The following KIF1A variants were observed in gnomAD, a reference collection of about 807,000 sequenced individuals.
KIF1A encodes kinesin-like protein KIF1A.
KIF1A carries 46 observed loss-of-function variants against 227.3 expected under a neutral mutation model. The observed-to-expected ratio is 0.20, with a 90% CI of 0.16 to 0.26. The LOEUF (loss-of-function observed/expected upper bound fraction) is 0.26, where lower values mean the gene tolerates loss of function less well. Ranked by LOEUF, KIF1A falls within the 10% of genes least tolerant of loss-of-function variation. The pLI is 1.00. For missense variants in KIF1A, 1,683 were observed against 2,485.9 expected (o/e 0.68, Z 6.87); for synonymous variants, 1,022 against 1,012.8 (o/e 1.01, Z -0.17).
Position 240,765,745 on chromosome 2 carries a change from C to A in KIF1A, c.1733G>T (p.Gly578Val). ...GATGCTGGGCTCTGTGACTTTCTTGCCATTGACGTAGGTGTCTGCCCCCTC... is the reference window on the plus strand; with the variant it reads ...GATGCTGGGCTCTGTGACTTTCTTGACATTGACGTAGGTGTCTGCCCCCTC... ...PCEGADTYVN[G>V]KKVTEPSILR... is the part of the protein sequence containing the mutation. The change falls in exon 20 of 49, where the codon GGC becomes GTC. Residue 578 changes from glycine (G) to valine (V), a missense_variant. Transcript: ENST00000498729. 1 of 1,613,688 alleles carries A rather than the reference C, an allele frequency of 6.2e-7. No individual in the cohort carries two copies. The highest frequency in any genetic ancestry group is 8.5e-7 in the Non-Finnish European group (1 of 1,179,826).
intron 10 of KIF1A, among the ~76,000 whole-genome samples, chr2:240,780,830 C>CCACACACACACACACACACA (rs772178620): frequency 4.0e-4 from 4 of 10,066 alleles, no homozygotes; most frequent in Non-Finnish European, 7.3e-4. Context: ...ACACACAGCT[C>CCACACACACACACACACACA]CACACACACA....
chr2:240,734,591 C>CG, intron 38 of KIF1A: 1 of 510,914 alleles, frequency 2.0e-6, no homozygotes, highest in Admixed American at 2.4e-5. Flanking sequence ...CAGGTGAGCA[C>CG]GTGTGTGAGG....
At chr2:240,723,093 T>A (rs932405947) in intron 42 of KIF1A, among the ~76,000 whole-genome samples, 1 of 152,160 alleles carries the variant, frequency 6.6e-6, no homozygotes, top group Non-Finnish European at 1.5e-5. Flanking sequence ...GTTTCCCTGA[T>A]CAAAGCCGCA....
At chr2:240,811,312 T>C (rs558938400) in intron 1 of KIF1A, among the ~76,000 whole-genome samples, 10 of 151,842 alleles carry the variant, frequency 6.6e-5, no homozygotes, top group Admixed American at 5.9e-4. Flanking sequence ...TTGCAGTGAG[T>C]AGAGATTGCG....
intron 38 of KIF1A, chr2:240,734,637 TG>T (rs1308158482): frequency 2.9e-6 from 3 of 1,042,800 alleles, no homozygotes; most frequent in Non-Finnish European, 4.0e-6. Context: ...CTCAGGGGCA[TG>T]GGGGGCGGTC....
chr2:240,727,120 C>G (rs2046104554), intron 38 of KIF1A, among the ~76,000 whole-genome samples, 180 bp from the exon 39 acceptor site: 2 of 152,162 alleles, frequency 1.3e-5, no homozygotes, highest in Non-Finnish European at 2.9e-5. Context: ...TACTCAGGAC[C>G]CAGAGAGTAG....
In KIF1A at chr2:240,788,792, G is replaced by C. The variant is rs925014372; in HGVS notation, c.183+444C>G. ...AGATATGAGGGGCTTAGATGAGGAG[G>C]CTGCATGCCTTCTTCTAGAAGGGTC... is the stretch of plus-strand genomic sequence containing the variant. On this transcript the variant is annotated intron_variant, in intron 3 of 48. Coordinates refer to ENST00000498729, the MANE Select transcript of KIF1A (RefSeq NM_001244008.2). The surrounding 1 kb of genome is among the most constrained non-coding windows in gnomAD (Gnocchi z 6.6). 6.6e-5 allele frequency among the ~76,000 whole-genome samples: 10 copies of C among 152,208 alleles called. No individual in the cohort carries two copies. Among genetic ancestry groups the C allele is most frequent in the African/African-American group, 2.4e-4 (10 of 41,538 alleles).
At chr2:240,748,160 T>G (rs2048820069) in intron 28 of KIF1A, among the ~76,000 whole-genome samples, 1 of 152,210 alleles carries the variant, frequency 6.6e-6, no homozygotes, top group African/African-American at 2.4e-5. Flanking sequence ...CCAGTCTGGT[T>G]TCCCAGTATA....
intron 25 of KIF1A, among the ~76,000 whole-genome samples, chr2:240,760,447 T>C (rs2050373060): frequency 6.6e-6 from 1 of 152,280 alleles, no homozygotes. Context: ...CCAAATCTAT[T>C]TTTATGTATG....
At chr2:240,762,241 G>A (rs1273539349) in intron 23 of KIF1A, among the ~76,000 whole-genome samples, 4 of 152,252 alleles carry the variant, frequency 2.6e-5, no homozygotes, top group Non-Finnish European at 5.9e-5. Flanking sequence ...ACAGCTGCGG[G>A]AGGTCAGCTG....
Position 240,740,251 on chromosome 2 carries a change from G to T in KIF1A, c.3816+47C>A. ...GCAGGGAGAGGCTCACACCTGGTGG[G>T]GTGGGGGAGGGGACACAGGCAGGGT... On this transcript the variant is annotated intron_variant, in intron 36 of 48. Coordinates refer to ENST00000498729, the MANE Select transcript of KIF1A (RefSeq NM_001244008.2). This position sits in a 1 kb window ranked among gnomAD's most constrained non-coding sequence, Gnocchi z 6.1. 1 of 1,578,756 alleles carries T rather than the reference G, an allele frequency of 6.3e-7. No individual in the cohort carries two copies. Among genetic ancestry groups the T allele is most frequent in the Non-Finnish European group, 8.7e-7 (1 of 1,150,934 alleles).
At chr2:240,764,361 G>A (rs1407227965) in intron 20 of KIF1A, among the ~76,000 whole-genome samples, 2 of 152,120 alleles carry the variant, frequency 1.3e-5, no homozygotes, top group African/African-American at 4.8e-5. Context: ...CAAGCAGGGA[G>A]AATGGGCACA....
intron 27 of KIF1A, among the ~76,000 whole-genome samples, chr2:240,755,333 C>A (rs2049718187): frequency 1.3e-5 from 2 of 152,192 alleles, no homozygotes; most frequent in South Asian, 4.1e-4. Context: ...GCAGACAGAG[C>A]GAGGGCTGAG....
At chr2:240,731,800 A>G (rs898480127) in intron 38 of KIF1A, among the ~76,000 whole-genome samples, 1 of 151,402 alleles carries the variant, frequency 6.6e-6, no homozygotes, top group African/African-American at 2.4e-5. Context: ...AACCAGGGCC[A>G]GCAGTCCCCA....
chr2:240,719,285 A>T (rs2044970382), intron 46 of KIF1A, 87 bp from the exon 47 acceptor site: 1 of 1,440,106 alleles, frequency 6.9e-7, no homozygotes, highest in Admixed American at 2.3e-5. Flanking sequence ...CAGAGCTGGG[A>T]CGCAGCAGTG....
At chr2:240,737,778 G>T (rs1370874544) in intron 37 of KIF1A, among the ~76,000 whole-genome samples, 3 of 152,236 alleles carry the variant, frequency 2.0e-5, no homozygotes, top group African/African-American at 7.2e-5. Flanking sequence ...GCTTCACCTA[G>T]TAATTTCTTG....
intron 1 of KIF1A, among the ~76,000 whole-genome samples, chr2:240,811,378 G>GAAGAAAAGAA (rs372471687): frequency 2.6e-5 from 4 of 152,068 alleles, no homozygotes; most frequent in African/African-American, 9.7e-5. Flanking sequence ...AAAAAGAAAA[G>GAAGAAAAGAA]AAGAAAAGAA....
rs770764947 is a variant in KIF1A, at chr2:240,742,964, C to T, written c.3605G>A (p.Arg1202His). The T allele has an allele frequency of 1.4e-5, 22 of 1,610,850 alleles. No homozygotes were observed. Among genetic ancestry groups the T allele is most frequent in the Admixed American group, 8.4e-5 (5 of 59,842 alleles). ...CAGTGGCATGACCCGAGGGAAGTGGCGGCGCGAGGGCCTCAGGGGGCTGTG... is the reference window on the plus strand; with the variant it reads ...CAGTGGCATGACCCGAGGGAAGTGGTGGCGCGAGGGCCTCAGGGGGCTGTG... ...DVLSPLRPSR[R>H]HFPRVMPLSK... Residue 1202 changes from arginine (R) to histidine (H), a missense_variant, in exon 34 of 49, where the codon CGC becomes CAC. Arg to His is a conservative substitution (Grantham distance 29). Transcript: ENST00000498729.
chr2:240,769,674 C>T lies in KIF1A; in HGVS notation c.1374G>A (p.Glu458=). 2 of 1,613,616 alleles carry T rather than the reference C, an allele frequency of 1.2e-6. No individual in the cohort carries two copies. Among genetic ancestry groups the T allele is most frequent in the Non-Finnish European group, 1.7e-6 (2 of 1,179,802 alleles). Reference sequence around the variant, plus strand: ...TCCGCCGCAGCTTCTCCTCCCAGGTCTCATTGAGCTCAGCTATGATCTTCT... The same window carrying T: ...TCCGCCGCAGCTTCTCCTCCCAGGTTTCATTGAGCTCAGCTATGATCTTCT... ...ETEKIIAELN[E]TWEEKLRRTE... is the part of the protein sequence containing the mutation. Residue 458 remains glutamate, a synonymous_variant, in exon 16 of 49, where the codon GAG becomes GAA. Transcript: ENST00000498729.
Sources: allele counts gnomAD v4.1 joint callset (sites outside exome capture counted in the v4.1 genomes callset), GRCh38; gene constraint gnomAD v4.1.1; non-coding constraint Gnocchi (gnomAD v3.1); transcripts MANE v1.5; gene names NCBI Gene and HGNC (gene_info 2026-07-23, HGNC 2026-07-21).